Variants in SEMA5A observed in about 807,000 individuals in gnomAD.
SEMA5A encodes semaphorin-5A.
A neutral mutation model predicts 135.5 loss-of-function variants in SEMA5A; 55 were observed. The ratio of observed to expected loss-of-function variants is 0.41; its 90% CI spans 0.33 to 0.51. The LOEUF is 0.51. Ranked by LOEUF, SEMA5A falls within the 20% of genes least tolerant of loss-of-function variation. The probability of loss-of-function intolerance (pLI) is 0.37; values close to 1 mark genes in which losing one functional copy is unlikely to be tolerated. For missense variants in SEMA5A, 1,290 were observed against 1,419.9 expected, an observed-to-expected ratio of 0.91 and a Z score of 1.47; for synonymous variants, 580 against 546.5, an observed-to-expected ratio of 1.06 and a Z score of -0.85.
chr5:9,039,404 G>A lies in SEMA5A; in HGVS notation c.*3493C>T, dbSNP rs956641717. The stretch of plus-strand genomic sequence containing the variant: ...CATCCCAAACCACATGACATGAACG[G>A]ACTCTTCCTAGGGACAGAGGTTTCT... On this transcript the variant is annotated 3_prime_UTR_variant, in exon 23 of 23. Coordinates refer to ENST00000382496, the MANE Select transcript of SEMA5A (RefSeq NM_003966.3). 6.6e-6 allele frequency: 1 copy of A among 152,248 alleles called. No homozygotes were observed. The allele number at this position is 152,248 out of a possible 1,614,324, so 9.4% of individuals were successfully genotyped here.
intron 3 of SEMA5A, among the ~76,000 whole-genome samples, chr5:9,356,702 G>A (rs1228697032): frequency 1.3e-5 from 2 of 152,132 alleles, no homozygotes; most frequent in Non-Finnish European, 2.9e-5. Flanking sequence ...TGCAACCGGG[G>A]TTCAAAGAAA....
chr5:9,040,775 A>G lies in SEMA5A; in HGVS notation c.*2122T>C, dbSNP rs1332467594. On this transcript the variant is annotated 3_prime_UTR_variant, in exon 23 of 23. Coordinates refer to ENST00000382496, the MANE Select transcript of SEMA5A (RefSeq NM_003966.3). ...CATTTCCCATCAATTCCAGTGAAAC[A>G]TTCTTGAAATATTAGAATCCTCTTT... The G allele has an allele frequency of 2.0e-5, 3 of 152,248 alleles. No individual in the cohort carries two copies. 9.4% of individuals were successfully genotyped at this position (152,248 alleles called of 1,614,324 possible). A position where few individuals can be genotyped will look rare whatever the true frequency, so the allele number is the denominator to read the frequency against.
At chr5:9,180,722 T>C (rs13354738) in intron 11 of SEMA5A, among the ~76,000 whole-genome samples, 26 of 152,290 alleles carry the variant, frequency 1.7e-4, no homozygotes, top group African/African-American at 6.3e-4. Context: ...GTTCTGTTCC[T>C]CACTCAGCCT....
chr5:9,137,536 G>A (rs1163211098), intron 12 of SEMA5A, among the ~76,000 whole-genome samples: 1 of 152,190 alleles, frequency 6.6e-6, no homozygotes, highest in African/African-American at 2.4e-5. Flanking sequence ...GGGCACGCAG[G>A]ACATTGAACC....
intron 3 of SEMA5A, among the ~76,000 whole-genome samples, chr5:9,362,161 G>A (rs538099191): frequency 5.3e-5 from 8 of 152,194 alleles, no homozygotes; most frequent in African/African-American, 1.9e-4. Flanking sequence ...TGTAGCTTCC[G>A]GATTCAGTTT....
chr5:9,136,744 G>A, intron 12 of SEMA5A, 123 bp from the exon 13 acceptor site: 2 of 756,152 alleles, frequency 2.6e-6, no homozygotes, highest in East Asian at 2.4e-5. Context: ...AGCCCAATGG[G>A]TATTTAGGCT....
intron 5 of SEMA5A, among the ~76,000 whole-genome samples, chr5:9,276,800 C>T (rs1374255480): frequency 1.3e-5 from 2 of 152,128 alleles, no homozygotes; most frequent in Non-Finnish European, 2.9e-5. Context: ...ACACCTTATA[C>T]AAAAATTAAC....
intron 13 of SEMA5A, among the ~76,000 whole-genome samples, chr5:9,127,585 CTT>C (rs754724443): frequency 5.1e-4 from 78 of 152,308 alleles, no homozygotes; most frequent in Non-Finnish European, 8.2e-4. Flanking sequence ...CTGCCTCACT[CTT>C]TGGTTTCTTG....
At chr5:9,083,319 T>C (rs898216258) in intron 16 of SEMA5A, among the ~76,000 whole-genome samples, 1 of 152,216 alleles carries the variant, frequency 6.6e-6, no homozygotes, top group Non-Finnish European at 1.5e-5. Context: ...TGTTCTTTTA[T>C]TGGCCAATTT....
At chr5:9,311,069 T>G (rs1752106020) in intron 5 of SEMA5A, among the ~76,000 whole-genome samples, 2 of 151,922 alleles carry the variant, frequency 1.3e-5, no homozygotes, top group African/African-American at 4.8e-5. Context: ...ATGTGGAAAC[T>G]GAGGCAACAA....
At chr5:9,490,202 T>C (rs545678699) in intron 1 of SEMA5A, among the ~76,000 whole-genome samples, 1 of 152,106 alleles carries the variant, frequency 6.6e-6, no homozygotes, top group South Asian at 2.1e-4. Flanking sequence ...AAAATAGCAA[T>C]GGATGCAATT....
intron 8 of SEMA5A, among the ~76,000 whole-genome samples, chr5:9,208,510 G>A (rs1467211373): frequency 6.6e-6 from 1 of 152,194 alleles, no homozygotes; most frequent in Non-Finnish European, 1.5e-5. Context: ...GGTATGGAGG[G>A]CCAGGGCAGC....
In SEMA5A at chr5:9,044,355, A is replaced by G; in HGVS notation, c.3105+18T>C. The G allele has an allele frequency of 6.2e-7, 1 of 1,601,628 alleles. No homozygotes were observed. ...AAGGAAAACCAGGCACTTAGCAGAA[A>G]TATTAAAATTCACTTACCTTGATGG... On this transcript the variant is annotated intron_variant, in intron 22 of 22. Transcript: ENST00000382496.
intron 16 of SEMA5A, among the ~76,000 whole-genome samples, chr5:9,085,982 C>G (rs1047915802): frequency 1.3e-5 from 2 of 152,172 alleles, no homozygotes; most frequent in Non-Finnish European, 2.9e-5. Flanking sequence ...CATTTTGGAG[C>G]TTTAAGATTT....
At chr5:9,421,958 T>A (rs1287591808) in intron 2 of SEMA5A, among the ~76,000 whole-genome samples, 1 of 152,232 alleles carries the variant, frequency 6.6e-6, no homozygotes, top group African/African-American at 2.4e-5. Flanking sequence ...AATGTTAGAC[T>A]TTTTAGATGG....
intron 21 of SEMA5A, among the ~76,000 whole-genome samples, chr5:9,047,311 A>AGGTGCCTGGGAAAGGCT (rs1477470203): frequency 2.6e-5 from 4 of 152,238 alleles, no homozygotes; most frequent in African/African-American, 9.6e-5. Context: ...TCATTCCAGC[A>AGGTGCCTGGGAAAGGCT]GGTGCCTGGG....
At position 9,259,014 on chromosome 5, in the gene SEMA5A, G is replaced by T. The variant is rs534543652; in HGVS notation, c.271-21124C>A. Among the ~76,000 whole-genome samples the T allele has an allele frequency of 9.9e-5, 15 of 152,030 alleles. No homozygotes were observed. The East Asian group carries it at 2.9e-3, about 29-fold the overall frequency. On this transcript the variant is annotated intron_variant, in intron 5 of 22. Transcript: ENST00000382496. ...ATTTTGTATTTTTGGTAGAGGTGGGGTTTCACCATGTTGGCGAGGTTAGTC... is the reference window on the plus strand; with the variant it reads ...ATTTTGTATTTTTGGTAGAGGTGGGTTTTCACCATGTTGGCGAGGTTAGTC...
chr5:9,209,121 C>G (rs1806058), intron 8 of SEMA5A, among the ~76,000 whole-genome samples: 1,534 of 152,308 alleles, frequency 0.01, 34 homozygotes, highest in African/African-American at 0.035. Context: ...AGAAGCACCA[C>G]TTCTTCACAC....
At chr5:9,340,786 A>G (rs1487134647) in intron 3 of SEMA5A, among the ~76,000 whole-genome samples, 2 of 152,166 alleles carry the variant, frequency 1.3e-5, no homozygotes, top group Admixed American at 1.3e-4. Flanking sequence ...AACTTTGCAT[A>G]TTACATTGGC....
Sources: gnomAD v4.1 joint callset for allele counts (sites outside exome capture counted in the v4.1 genomes callset) on GRCh38, gnomAD v4.1.1 for gene constraint, MANE v1.5 for transcripts, NCBI Gene and HGNC (gene_info 2026-07-23, HGNC 2026-07-21) for gene names.